Variants in RFX3 observed in about 807,000 individuals in gnomAD.
RFX3 encodes the protein transcription factor RFX3.
RFX3 carries 14 observed loss-of-function variants against 98.6 expected under a neutral mutation model. That is an observed-to-expected ratio of 0.14 (90% CI 0.09 to 0.22). RFX3 has a LOEUF of 0.22. RFX3 is among the 10% of genes least tolerant of loss of function. The pLI is 1.00. For missense variants in RFX3, 639 were observed against 926.9 expected, an observed-to-expected ratio of 0.69 and a Z score of 4.03; for synonymous variants, 383 against 328.4, an observed-to-expected ratio of 1.17 and a Z score of -1.80.
At chr9:3,257,310 C>T (rs1163305000) in intron 13 of RFX3, 111 bp from the exon 14 acceptor site, 2 of 814,124 alleles carry the variant, frequency 2.5e-6, no homozygotes, top group South Asian at 1.8e-5. Context: ...AAGCTTCACA[C>T]AGTTAAATGA....
intron 1 of RFX3, among the ~76,000 whole-genome samples, chr9:3,439,565 C>A (rs1845451559): frequency 6.6e-6 from 1 of 151,868 alleles, no homozygotes; most frequent in Non-Finnish European, 1.5e-5. Flanking sequence ...GTAATCAATT[C>A]CTTGAAAGAC....
At position 3,325,339 on chromosome 9, in the gene RFX3, G is replaced by A. The variant is rs537981563; in HGVS notation, c.474+4920C>T. On this transcript the variant is annotated intron_variant, in intron 4 of 16. Coordinates refer to ENST00000617270, the MANE Select transcript of RFX3 (RefSeq NM_001282116.2). ...ACTTTCTATTAATTATATAAACTAGGCCAAACTTTTACTTATATAGCAGCA... is the reference window on the plus strand; with the variant it reads ...ACTTTCTATTAATTATATAAACTAGACCAAACTTTTACTTATATAGCAGCA... Among the ~76,000 whole-genome samples the A allele has an allele frequency of 1.4e-3, 216 of 151,842 alleles. 1 individual carries two copies. The highest frequency in any genetic ancestry group is 4.9e-3 in the African/African-American group (201 of 41,418).
intron 4 of RFX3, among the ~76,000 whole-genome samples, chr9:3,319,691 T>A (rs1831030278): frequency 6.6e-6 from 1 of 152,182 alleles, no homozygotes; most frequent in Non-Finnish European, 1.5e-5. Context: ...AAAAGAAGTC[T>A]GGAGGCTATT....
chr9:3,518,173 C>A (rs922694277), intron 1 of RFX3, among the ~76,000 whole-genome samples: 4 of 152,160 alleles, frequency 2.6e-5, no homozygotes, highest in African/African-American at 9.7e-5. Flanking sequence ...TGGGTACACT[C>A]TATGATGTTC....
chr9:3,313,620 C>A (rs1830224179), intron 4 of RFX3, among the ~76,000 whole-genome samples: 1 of 152,024 alleles, frequency 6.6e-6, no homozygotes, highest in South Asian at 2.1e-4. Context: ...AGCTAAAAAC[C>A]TTGAAAAAAG....
At chr9:3,353,972 C>G (rs946848362) in intron 2 of RFX3, among the ~76,000 whole-genome samples, 1 of 151,852 alleles carries the variant, frequency 6.6e-6, no homozygotes, top group Non-Finnish European at 1.5e-5. Context: ...AAGAAAGAAG[C>G]TACAAAGAAG....
chr9:3,322,241 A>C (rs1831400915), intron 4 of RFX3, among the ~76,000 whole-genome samples: 1 of 152,202 alleles, frequency 6.6e-6, no homozygotes, highest in African/African-American at 2.4e-5. Flanking sequence ...TTCTTATCCA[A>C]GAATATGGTA....
intron 4 of RFX3, among the ~76,000 whole-genome samples, chr9:3,303,269 C>T (rs555514325): frequency 6.6e-6 from 1 of 151,876 alleles, no homozygotes; most frequent in South Asian, 2.1e-4. Flanking sequence ...AAATGTTAAA[C>T]TGTGAAACTA....
intron 15 of RFX3, among the ~76,000 whole-genome samples, chr9:3,242,763 T>C (rs772990608): frequency 1.3e-5 from 2 of 152,148 alleles, no homozygotes; most frequent in Non-Finnish European, 2.9e-5. Flanking sequence ...GACATTTTTC[T>C]TTTGATGTTA....
chr9:3,281,097 T>C (rs1825864085), intron 7 of RFX3, among the ~76,000 whole-genome samples: 1 of 151,734 alleles, frequency 6.6e-6, no homozygotes, highest in Non-Finnish European at 1.5e-5. Flanking sequence ...GTATTATGGG[T>C]AGGCCACTAT....
At chr9:3,444,120 T>C (rs1845834313) in intron 1 of RFX3, among the ~76,000 whole-genome samples, 1 of 152,212 alleles carries the variant, frequency 6.6e-6, no homozygotes, top group African/African-American at 2.4e-5. Flanking sequence ...TCGATAGTCA[T>C]AAGAGCTTTA....
At chr9:3,327,981 G>A (rs1390084427) in intron 4 of RFX3, among the ~76,000 whole-genome samples, 1 of 152,128 alleles carries the variant, frequency 6.6e-6, no homozygotes, top group Admixed American at 6.5e-5. Context: ...GGTTAATTTA[G>A]TGAGAGAGCA....
chr9:3,242,903 A>G (rs951554594), intron 15 of RFX3, among the ~76,000 whole-genome samples: 3 of 151,972 alleles, frequency 2.0e-5, no homozygotes, highest in Non-Finnish European at 2.9e-5. Context: ...TGGCTTAGAC[A>G]TAATATTAAG....
At chr9:3,301,305 T>C (rs1206808269) in intron 5 of RFX3, among the ~76,000 whole-genome samples, 1 of 151,844 alleles carries the variant, frequency 6.6e-6, no homozygotes, top group Non-Finnish European at 1.5e-5. Flanking sequence ...TGTTACTAAC[T>C]CGAAAATATT....
intron 2 of RFX3, among the ~76,000 whole-genome samples, chr9:3,374,959 T>C (rs1587390311): frequency 6.6e-6 from 1 of 152,078 alleles, no homozygotes; most frequent in Non-Finnish European, 1.5e-5. Context: ...TAATTTATCA[T>C]TGTCATGATA....
intron 13 of RFX3, 132 bp from the exon 14 acceptor site, chr9:3,257,331 T>TA: frequency 1.4e-6 from 1 of 709,014 alleles, no homozygotes; most frequent in South Asian, 1.9e-5. Flanking sequence ...ATCCAGAAAA[T>TA]AAAAAACTAC....
chr9:3,324,203 T>A (rs1831632760), intron 4 of RFX3: 1 of 226,560 alleles, frequency 4.4e-6, no homozygotes, highest in Non-Finnish European at 1.0e-5. Context: ...ATATTGAGGC[T>A]AACTGTAAAA....
rs150801345 is a variant in RFX3, at chr9:3,522,634, A to AAC, written c.-9+3111_-9+3112dup. 4.7e-4 allele frequency among the ~76,000 whole-genome samples: 70 copies of AAC among 148,436 alleles called. 2 individuals carry two copies. The highest frequency in any genetic ancestry group is 2.5e-3 in the Admixed American group (37 of 14,894). On this transcript the variant is annotated intron_variant, in intron 1 of 16. Transcript: ENST00000617270. ...TGCTATGCCCACCCATTTAAACACA[A>AAC]ACACACACACACACACAGACTTTAA...
intron 8 of RFX3, among the ~76,000 whole-genome samples, chr9:3,276,950 A>T (rs7032669): frequency 0.058 from 8,861 of 151,910 alleles, 797 homozygotes; most frequent in African/African-American, 0.19. Flanking sequence ...GTTTATAAAA[A>T]TTTTTTTTCT....
Sources: gnomAD v4.1 joint callset for allele counts (sites outside exome capture counted in the v4.1 genomes callset) on GRCh38, gnomAD v4.1.1 for gene constraint, MANE v1.5 for transcripts, NCBI Gene and HGNC (gene_info 2026-07-23, HGNC 2026-07-21) for gene names.